The following PRTG variants were observed in gnomAD, a reference collection of about 807,000 sequenced individuals.
The protein encoded by PRTG is protogenin.
A neutral mutation model predicts 122.5 loss-of-function variants in PRTG; 67 were observed. The observed-to-expected ratio is 0.55, with a 90% confidence interval of 0.45 to 0.67. PRTG has a LOEUF of 0.67. PRTG is among the 30% of genes least tolerant of loss of function. The pLI, the probability that PRTG is intolerant of heterozygous loss-of-function variation, is 0.00. For synonymous variants in PRTG, 554 were observed against 501.1 expected (o/e 1.11, Z -1.41); for missense variants, 1,435 against 1,415.4 (o/e 1.01, Z -0.22).
intron 17 of PRTG, 65 bp from the exon 18 acceptor site, chr15:55,624,572 T>C (rs2059184830): frequency 2.9e-6 from 4 of 1,392,124 alleles, no homozygotes; most frequent in Non-Finnish European, 3.9e-6. Flanking sequence ...ATGAACCACC[T>C]GGCCTATCAA....
intron 2 of PRTG, among the ~76,000 whole-genome samples, chr15:55,738,896 G>A (rs1021359166): frequency 5.5e-5 from 7 of 126,270 alleles, no homozygotes; most frequent in Non-Finnish European, 1.1e-4. Flanking sequence ...ACAGAGGAAG[G>A]AAGGGGGAAG....
chr15:55,648,427 G>C (rs1329492922), intron 11 of PRTG, among the ~76,000 whole-genome samples: 1 of 152,104 alleles, frequency 6.6e-6, no homozygotes, highest in Non-Finnish European at 1.5e-5. Flanking sequence ...TGCATTAACT[G>C]TATCTCTGTG....
At chr15:55,689,854 G>GGAGGTGGAGA (rs1444593914) in intron 2 of PRTG, among the ~76,000 whole-genome samples, 2 of 152,046 alleles carry the variant, frequency 1.3e-5, no homozygotes, top group African/African-American at 4.8e-5. Context: ...TGTGAACCCA[G>GGAGGTGGAGA]GAGGTGGAGC....
At chr15:55,666,873 A>G (rs1327863523) in intron 11 of PRTG, among the ~76,000 whole-genome samples, 1 of 152,184 alleles carries the variant, frequency 6.6e-6, no homozygotes, top group Non-Finnish European at 1.5e-5. Flanking sequence ...CATTATCCCT[A>G]CCTAAAAGAT....
At chr15:55,660,550 G>A (rs143230869) in intron 11 of PRTG, among the ~76,000 whole-genome samples, 27 of 152,144 alleles carry the variant, frequency 1.8e-4, no homozygotes, top group African/African-American at 4.8e-4. Flanking sequence ...TGCAATTCCC[G>A]TCAAGCATTT....
chr15:55,652,990 A>C (rs1171224590), intron 11 of PRTG, among the ~76,000 whole-genome samples: 8 of 152,236 alleles, frequency 5.3e-5, no homozygotes. Flanking sequence ...GTAAACTTTA[A>C]GCCTAGATTA....
chr15:55,621,485 G>A (rs893898461), intron 18 of PRTG, among the ~76,000 whole-genome samples: 11 of 151,962 alleles, frequency 7.2e-5, no homozygotes, highest in East Asian at 3.9e-4. Flanking sequence ...GTGAAATCCC[G>A]TCTCTACTAA....
intron 2 of PRTG, among the ~76,000 whole-genome samples, chr15:55,723,770 G>C (rs1358801880): frequency 3.0e-5 from 1 of 33,594 alleles, no homozygotes; most frequent in African/African-American, 1.0e-4. Flanking sequence ...TTTTTTTTTT[G>C]AGTTGGAGTC....
chr15:55,705,854 CTTTTTT>C, intron 2 of PRTG, among the ~76,000 whole-genome samples: 1 of 125,420 alleles, frequency 8.0e-6, no homozygotes, highest in African/African-American at 3.0e-5. Flanking sequence ...ACTTGCTATT[CTTTTTT>C]TTTTTTTTTT....
intron 5 of PRTG, 106 bp downstream of exon 5, chr15:55,680,385 C>T (rs1037028463): frequency 7.7e-7 from 1 of 1,294,076 alleles, no homozygotes; most frequent in Non-Finnish European, 1.0e-6. Flanking sequence ...AGACATTCAA[C>T]AGCCAAACCT....
At chr15:55,664,017 C>T (rs79776102) in intron 11 of PRTG, among the ~76,000 whole-genome samples, 3,109 of 152,236 alleles carry the variant, frequency 0.02, 123 homozygotes, top group African/African-American at 0.072. Flanking sequence ...TACAGATGTA[C>T]TGCAGTTTAT....
At chr15:55,711,266 T>C (rs1364790092) in intron 2 of PRTG, among the ~76,000 whole-genome samples, 1 of 152,108 alleles carries the variant, frequency 6.6e-6, no homozygotes, top group Non-Finnish European at 1.5e-5. Context: ...CTCTGTAACC[T>C]TGATTTAGTA....
At chr15:55,722,959 C>A (rs1157110781) in intron 2 of PRTG, among the ~76,000 whole-genome samples, 1 of 152,190 alleles carries the variant, frequency 6.6e-6, no homozygotes, top group African/African-American at 2.4e-5. Flanking sequence ...AAAAACCGAG[C>A]CCACCAGCAA....
chr15:55,683,749 C>T (rs1326257081), intron 3 of PRTG, 38 bp downstream of exon 3: 3 of 1,566,594 alleles, frequency 1.9e-6, no homozygotes, highest in Non-Finnish European at 8.7e-7. Context: ...GTCTTCATTA[C>T]TCCCATATCA....
intron 11 of PRTG, among the ~76,000 whole-genome samples, chr15:55,666,298 C>A (rs1233507472): frequency 1.3e-5 from 2 of 152,166 alleles, no homozygotes; most frequent in South Asian, 2.1e-4. Context: ...TGGATTAGAA[C>A]CTCACTCTTA....
chr15:55,692,736 T>C (rs1158806338), intron 2 of PRTG, among the ~76,000 whole-genome samples: 3 of 151,798 alleles, frequency 2.0e-5, no homozygotes, highest in Non-Finnish European at 4.4e-5. Context: ...GGCTCATACG[T>C]AAGGCTATCA....
chr15:55,713,877 T>C (rs1228182315), intron 2 of PRTG, among the ~76,000 whole-genome samples: 4 of 152,186 alleles, frequency 2.6e-5, no homozygotes, highest in Admixed American at 2.6e-4. Flanking sequence ...TTACACTGTC[T>C]TTCTGAAATT....
chr15:55,667,804 G>C (rs887553977), intron 11 of PRTG, among the ~76,000 whole-genome samples: 6 of 152,154 alleles, frequency 3.9e-5, no homozygotes, highest in Admixed American at 2.6e-4. Flanking sequence ...GAATGAATCA[G>C]GCTGGGCATG....
intron 8 of PRTG, among the ~76,000 whole-genome samples, 180 bp downstream of exon 8, chr15:55,677,617 G>A (rs900618191): frequency 7.2e-5 from 11 of 152,056 alleles, no homozygotes; most frequent in Non-Finnish European, 1.3e-4. Flanking sequence ...CATATACAAA[G>A]TACACAACAT....
Sources: allele counts gnomAD v4.1 joint callset (sites outside exome capture counted in the v4.1 genomes callset), GRCh38; gene constraint gnomAD v4.1.1; transcripts MANE v1.5; gene names NCBI Gene and HGNC (gene_info 2026-07-23, HGNC 2026-07-21).